DOCK4: variants seen among roughly 807,000 people sequenced by gnomAD.
The protein encoded by DOCK4 is dedicator of cytokinesis 4, also known as dedicator of cytokinesis protein 4.
DOCK4 carries 97 observed loss-of-function variants against 268.1 expected under a neutral mutation model. The observed-to-expected ratio is 0.36, with a 90% CI of 0.31 to 0.43. DOCK4 has a LOEUF of 0.43. Among genes scored for constraint, DOCK4 ranks in the 20% least tolerant of loss-of-function variants. The pLI is 1.00. For missense variants in DOCK4, 2,145 were observed against 2,455.7 expected, an observed-to-expected ratio of 0.87 and a Z score of 2.67; for synonymous variants, 954 against 887.2, an observed-to-expected ratio of 1.08 and a Z score of -1.34.
chr7:112,064,046 G>C (rs889101404), intron 1 of DOCK4, among the ~76,000 whole-genome samples: 10 of 152,144 alleles, frequency 6.6e-5, no homozygotes, highest in African/African-American at 2.4e-4. Context: ...CGTGAGTTTT[G>C]ATTTGGAAAT....
chr7:111,807,281 T>C (rs1045274153), intron 30 of DOCK4, among the ~76,000 whole-genome samples: 1 of 152,132 alleles, frequency 6.6e-6, no homozygotes, highest in African/African-American at 2.4e-5. Context: ...GAATGCAATA[T>C]GGACACTACA....
intron 36 of DOCK4, among the ~76,000 whole-genome samples, chr7:111,775,894 A>G (rs1224822347): frequency 6.6e-6 from 1 of 152,150 alleles, no homozygotes; most frequent in African/African-American, 2.4e-5. Flanking sequence ...TAGCCAGAGT[A>G]CTAGGAAAGG....
intron 1 of DOCK4, among the ~76,000 whole-genome samples, chr7:112,191,782 C>G (rs6944498): frequency 0.098 from 14,928 of 151,918 alleles, 866 homozygotes; most frequent in Admixed American, 0.16. Flanking sequence ...CTCTCTAGGT[C>G]TGCTGTAAGG....
chr7:112,134,672 C>T (rs574113118), intron 1 of DOCK4, among the ~76,000 whole-genome samples: 1 of 152,096 alleles, frequency 6.6e-6, no homozygotes, highest in Non-Finnish European at 1.5e-5. Context: ...GCTGAGATTG[C>T]GCCACTGCAC....
intron 16 of DOCK4, among the ~76,000 whole-genome samples, chr7:111,889,266 G>C (rs191636893): frequency 6.6e-6 from 1 of 152,254 alleles, no homozygotes; most frequent in Non-Finnish European, 1.5e-5. Flanking sequence ...TCAGTCAAGT[G>C]ATCAATTCTT....
At chr7:112,002,720 T>C (rs960033176) in intron 2 of DOCK4, among the ~76,000 whole-genome samples, 2 of 152,144 alleles carry the variant, frequency 1.3e-5, no homozygotes, top group East Asian at 1.9e-4. Context: ...TCGGATATAC[T>C]AACGGGGCTC....
At chr7:111,891,797 A>AT (rs1384059293) in intron 16 of DOCK4, among the ~76,000 whole-genome samples, 1 of 152,286 alleles carries the variant, frequency 6.6e-6, no homozygotes, top group Non-Finnish European at 1.5e-5. Flanking sequence ...AAGGTTTCAA[A>AT]TTTTTTAACT....
At chr7:112,126,670 G>C (rs1160690255) in intron 1 of DOCK4, among the ~76,000 whole-genome samples, 5 of 152,010 alleles carry the variant, frequency 3.3e-5, no homozygotes, top group African/African-American at 1.2e-4. Flanking sequence ...CTGACAAAGG[G>C]CTAATATCCA....
intron 42 of DOCK4, among the ~76,000 whole-genome samples, chr7:111,749,740 T>C (rs1796506861): frequency 6.6e-6 from 1 of 152,208 alleles, no homozygotes; most frequent in African/African-American, 2.4e-5. Flanking sequence ...TATCTTCACT[T>C]AGCATTCAAA....
chr7:111,882,588 T>C (rs956235737), intron 16 of DOCK4, among the ~76,000 whole-genome samples: 3 of 152,210 alleles, frequency 2.0e-5, no homozygotes, highest in Non-Finnish European at 4.4e-5. Flanking sequence ...TTTAGTGTTC[T>C]AGACTATTAT....
At chr7:112,008,330 TA>T (rs1305532060) in intron 1 of DOCK4, among the ~76,000 whole-genome samples, 1 of 152,164 alleles carries the variant, frequency 6.6e-6, no homozygotes, top group African/African-American at 2.4e-5. Flanking sequence ...GGAAAGTCCT[TA>T]AAAAATATCT....
intron 13 of DOCK4, among the ~76,000 whole-genome samples, chr7:111,912,288 T>G (rs1021986879): frequency 8.5e-5 from 13 of 152,222 alleles, no homozygotes; most frequent in African/African-American, 3.1e-4. Flanking sequence ...GTCAACAATT[T>G]AAGAGTATTT....
intron 1 of DOCK4, among the ~76,000 whole-genome samples, chr7:112,054,811 C>T (rs1326972736): frequency 1.3e-5 from 2 of 152,038 alleles, no homozygotes; most frequent in Non-Finnish European, 2.9e-5. Context: ...ATTTTCAAAG[C>T]CCTTTGTACT....
intron 1 of DOCK4, among the ~76,000 whole-genome samples, chr7:112,027,317 C>T (rs186576998): frequency 1.4e-4 from 22 of 152,074 alleles, no homozygotes; most frequent in African/African-American, 4.6e-4. Context: ...CTCCGCCTCC[C>T]GGGTTCAAGA....
At chr7:111,741,292 C>G in intron 46 of DOCK4, 78 bp from the exon 47 acceptor site, 5 of 1,557,026 alleles carry the variant, frequency 3.2e-6, no homozygotes, top group Non-Finnish European at 4.4e-6. Flanking sequence ...GCTATGAAAC[C>G]AAAGGGGGGA....
In DOCK4 at chr7:111,755,621, T is replaced by G. The variant is rs1796970905; in HGVS notation, c.4330-20A>C. 1 of 1,611,398 alleles carries G rather than the reference T, an allele frequency of 6.2e-7. No homozygotes were observed. The highest frequency in any genetic ancestry group is 1.1e-5 in the South Asian group (1 of 90,980). ...GAGACTCTACAAAACACAAAACACA[T>G]TAAGTCTCCCAAGTTGCCCTTCTTT... On this transcript the variant is annotated intron_variant, in intron 41 of 52. Transcript: ENST00000428084.
intron 4 of DOCK4, 75 bp downstream of exon 4, chr7:111,998,373 C>A: frequency 8.6e-7 from 1 of 1,167,466 alleles, no homozygotes; most frequent in Non-Finnish European, 1.2e-6. Context: ...AAGACAATTA[C>A]TATGCCTTTC....
At chr7:111,928,846 C>T (rs1164482309) in intron 12 of DOCK4, among the ~76,000 whole-genome samples, 2 of 152,110 alleles carry the variant, frequency 1.3e-5, no homozygotes, top group Admixed American at 1.3e-4. Flanking sequence ...ACCTCGGCCT[C>T]CCAAAGTACT....
intron 1 of DOCK4, among the ~76,000 whole-genome samples, chr7:112,102,817 T>A (rs1810814067): frequency 6.6e-6 from 1 of 152,172 alleles, no homozygotes. Flanking sequence ...CCTACTTTAC[T>A]GAGTGTCATA....
Sources: allele counts gnomAD v4.1 joint callset (sites outside exome capture counted in the v4.1 genomes callset), GRCh38; gene constraint gnomAD v4.1.1; transcripts MANE v1.5; gene names NCBI Gene and HGNC (gene_info 2026-07-23, HGNC 2026-07-21).